Variants in DCBLD1 observed in about 807,000 individuals in gnomAD.
DCBLD1 encodes discoidin, CUB and LCCL domain containing 1, also known as discoidin, CUB and LCCL domain-containing protein 1.
DCBLD1 carries 57 observed loss-of-function variants against 71.5 expected under a neutral mutation model. The observed-to-expected ratio is 0.80, with a 90% CI of 0.64 to 0.99. DCBLD1 has a LOEUF of 0.99. DCBLD1 is among the 50% of genes least tolerant of loss of function. DCBLD1 has a pLI of 0.00. For synonymous variants in DCBLD1, 380 were observed against 363.8 expected (o/e 1.04, Z -0.51); for missense variants, 891 against 923.5 (o/e 0.96, Z 0.46).
Position 117,540,777 on chromosome 6 carries a change from C to A in DCBLD1, c.1211C>A (p.Ala404Asp). 1 of 1,614,184 alleles carries A rather than the reference C, an allele frequency of 6.2e-7. No individual in the cohort carries two copies. The highest frequency in any genetic ancestry group is 8.5e-7 in the Non-Finnish European group (1 of 1,180,036). The change falls in exon 10 of 15, where the codon GCC becomes GAC. Residue 404 changes from alanine (A) to aspartate (D), a missense_variant. Ala to Asp is a moderately radical substitution (Grantham distance 126). Transcript: ENST00000338728. ...VVPQTWHQRI[A>D]LKVELIGCQI... ...CCCCAGACATGGCACCAGAGGATAG[C>A]CTTGAAGGTGGAGCTCATTGGTTGC...
At chr6:117,540,146 A>T (rs1160676958) in intron 9 of DCBLD1, 1 of 152,722 alleles carries the variant, frequency 6.5e-6, no homozygotes, top group African/African-American at 2.4e-5. Context: ...ATGTGTCAAT[A>T]AAAACCTTGA....
chr6:117,493,090 T>G (rs1215410970), intron 1 of DCBLD1, among the ~76,000 whole-genome samples: 3 of 152,216 alleles, frequency 2.0e-5, no homozygotes, highest in Non-Finnish European at 4.4e-5. Context: ...GAATAGATAC[T>G]AAAATTAAAC....
rs1779069414 is a variant in DCBLD1, at chr6:117,540,819, G to T, written c.1249+4G>T. On this transcript the variant is annotated splice_donor_region_variant and intron_variant, in intron 10 of 14. Transcript: ENST00000338728. ...ATTGGTTGCCAGATTACACAAGGTA[G>T]GGCTCAGGGCAAGCCAGTGAGTTAC... 6.2e-7 allele frequency: 1 copy of T among 1,614,214 alleles called. No homozygotes were observed. Among genetic ancestry groups the T allele is most frequent in the Non-Finnish European group, 8.5e-7 (1 of 1,180,038 alleles).
At chr6:117,483,786 C>T (rs1776989430) in intron 1 of DCBLD1, among the ~76,000 whole-genome samples, 1 of 151,682 alleles carries the variant, frequency 6.6e-6, no homozygotes, top group Non-Finnish European at 1.5e-5. Context: ...CCGTATATGC[C>T]TGAGCTTATT....
chr6:117,539,450 TTA>T lies in DCBLD1; in HGVS notation c.1101+72_1101+73del, dbSNP rs1171617326. 8 of 1,463,954 alleles carry T rather than the reference TTA, an allele frequency of 5.5e-6. No individual in the cohort carries two copies. The African/African-American group carries it at 1.2e-4, about 21-fold the overall frequency. 90.7% of individuals were successfully genotyped at this position (1,463,954 alleles called of 1,614,324 possible). ...CCTCTATATATTTTCATCAATGTGT[TTA>T]CATTAAATATCTCATTAATAAAAGA... On this transcript the variant is annotated intron_variant, in intron 9 of 14. Coordinates refer to ENST00000338728, the MANE Select transcript of DCBLD1 (RefSeq NM_001366458.2).
At chr6:117,484,512 C>T (rs1777017366) in intron 1 of DCBLD1, among the ~76,000 whole-genome samples, 1 of 152,048 alleles carries the variant, frequency 6.6e-6, no homozygotes, top group African/African-American at 2.4e-5. Context: ...CCACACCTGG[C>T]TAATTTTTGT....
chr6:117,568,488 C>T (rs1217513144), intron 14 of DCBLD1, among the ~76,000 whole-genome samples: 1 of 152,204 alleles, frequency 6.6e-6, no homozygotes, highest in Admixed American at 6.5e-5. Context: ...TTGATAGCTC[C>T]TTCACCAGTT....
chr6:117,568,672 A>T (rs1203952694), intron 14 of DCBLD1, among the ~76,000 whole-genome samples: 1 of 152,228 alleles, frequency 6.6e-6, no homozygotes, highest in East Asian at 1.9e-4. Flanking sequence ...TGACAGAATT[A>T]GATCTGTGAG....
chr6:117,536,391 A>G (rs1161463735), intron 6 of DCBLD1, among the ~76,000 whole-genome samples: 1 of 152,206 alleles, frequency 6.6e-6, no homozygotes, highest in African/African-American at 2.4e-5. Flanking sequence ...GTGAGGGATT[A>G]TTTTAAAGGT....
intron 12 of DCBLD1, 70 bp downstream of exon 12, chr6:117,543,281 C>T: frequency 1.5e-6 from 2 of 1,304,722 alleles, no homozygotes; most frequent in Non-Finnish European, 2.2e-6. Context: ...AAAGTTTATT[C>T]TTCAGAAATG....
intron 2 of DCBLD1, among the ~76,000 whole-genome samples, chr6:117,512,607 G>C (rs1333348296): frequency 6.6e-6 from 1 of 152,106 alleles, no homozygotes. Context: ...GCACAGATCT[G>C]GGCCACGAGA....
rs1266386940 is a variant in DCBLD1 at position 117,548,519 on chromosome 6, A to G, written c.*80A>G. On this transcript the variant is annotated 3_prime_UTR_variant, in exon 15 of 15. Transcript: ENST00000338728. ...CTGGAAGAAGGGAGCCTGCTGGTCC[A>G]GAGTGTGCGTGTGTATCGGTGTGTG... The G allele has an allele frequency of 1.3e-6, 2 of 1,532,750 alleles. No homozygotes were observed. The allele number at this position is 1,532,750 out of a possible 1,614,324, so 94.9% of individuals were successfully genotyped here.
intron 1 of DCBLD1, chr6:117,485,043 A>G (rs1777040062): frequency 6.6e-6 from 1 of 152,234 alleles, no homozygotes; most frequent in South Asian, 2.1e-4. Flanking sequence ...AACTAAAGGT[A>G]CATATTTACA....
At chr6:117,491,324 C>T (rs1777284952) in intron 1 of DCBLD1, among the ~76,000 whole-genome samples, 1 of 152,008 alleles carries the variant, frequency 6.6e-6, no homozygotes, top group Admixed American at 6.5e-5. Context: ...AAGGTTTGCC[C>T]CCATTCCGCC....
intron 2 of DCBLD1, chr6:117,508,209 A>C (rs1425683612): frequency 6.6e-6 from 1 of 152,226 alleles, no homozygotes; most frequent in Non-Finnish European, 1.5e-5. Flanking sequence ...GATTGAACAC[A>C]CTTTGAAACC....
chr6:117,543,290 T>C, intron 12 of DCBLD1, 79 bp downstream of exon 12: 2 of 1,193,440 alleles, frequency 1.7e-6, no homozygotes, highest in African/African-American at 1.5e-5. Flanking sequence ...TCTTCAGAAA[T>C]GCATATGTAC....
In DCBLD1 at chr6:117,543,211, A is replaced by G. The variant is rs1209420657; in HGVS notation, c.1445A>G (p.Lys482Arg). 4 of 1,613,868 alleles carry G rather than the reference A, an allele frequency of 2.5e-6. No individual in the cohort carries two copies. The highest frequency in any genetic ancestry group is 1.7e-5 in the Admixed American group (1 of 60,010). Residue 482 changes from lysine to arginine, a missense_variant and splice_region_variant, in exon 12 of 15, where the codon AAG becomes AGG. Physicochemically the swap from Lys to Arg is conservative, Grantham distance 26. Coordinates refer to ENST00000338728, the MANE Select transcript of DCBLD1 (RefSeq NM_001366458.2). ...AGMGIFAAFRKKKKKGSPYGS... is the reference protein window; with the variant it reads ...AGMGIFAAFRRKKKKGSPYGS... ...ATGGGGATCTTTGCAGCCTTTAGAA[A>G]GTATGGTGACTTTACATGTTTAAAT...
At chr6:117,521,936 C>T (rs1730904515) in intron 4 of DCBLD1, among the ~76,000 whole-genome samples, 1 of 152,222 alleles carries the variant, frequency 6.6e-6, no homozygotes, top group African/African-American at 2.4e-5. Flanking sequence ...ATTTGGCTCA[C>T]AGGCCATAGT....
chr6:117,542,199 A>G (rs1779119104), intron 11 of DCBLD1, among the ~76,000 whole-genome samples: 1 of 151,996 alleles, frequency 6.6e-6, no homozygotes, highest in South Asian at 2.1e-4. Flanking sequence ...AGGCTGAGGC[A>G]GGAGAATTGC....
Sources: allele counts gnomAD v4.1 joint callset (sites outside exome capture counted in the v4.1 genomes callset), GRCh38; gene constraint gnomAD v4.1.1; transcripts MANE v1.5; gene names NCBI Gene and HGNC (gene_info 2026-07-23, HGNC 2026-07-21).